Variants in SYT14 observed in about 807,000 individuals in gnomAD.
SYT14 encodes synaptotagmin 14, also known as synaptotagmin-14.
A neutral mutation model predicts 74.2 loss-of-function variants in SYT14; 32 were observed. The ratio of observed to expected loss-of-function variants is 0.43; its 90% CI spans 0.33 to 0.58. The LOEUF (loss-of-function observed/expected upper bound fraction) is 0.58. Among genes scored for constraint, SYT14 ranks in the 20% least tolerant of loss-of-function variants. The probability of loss-of-function intolerance (pLI) is 0.05; values close to 1 mark genes in which losing one functional copy is unlikely to be tolerated. For synonymous variants in SYT14, 298 were observed against 337.7 expected (o/e 0.88, Z 1.29); for missense variants, 791 against 981.8 (o/e 0.81, Z 2.60).
chr1:210,041,704 G>T (rs1178929611), intron 5 of SYT14, among the ~76,000 whole-genome samples: 1 of 152,106 alleles, frequency 6.6e-6, no homozygotes, highest in African/African-American at 2.4e-5. Flanking sequence ...ATACTCATGA[G>T]GGAGGAAACA....
chr1:210,152,502 A>G (rs2083185019), intron 7 of SYT14, among the ~76,000 whole-genome samples: 1 of 152,054 alleles, frequency 6.6e-6, no homozygotes, highest in Non-Finnish European at 1.5e-5. Flanking sequence ...TTATCGTTGT[A>G]TATTCATTTG....
At chr1:210,102,125 G>T (rs780034121) in intron 7 of SYT14, among the ~76,000 whole-genome samples, 2 of 151,982 alleles carry the variant, frequency 1.3e-5, no homozygotes, top group Non-Finnish European at 2.9e-5. Context: ...TTAAGTTCAG[G>T]GGTACGTGTG....
chr1:209,957,086 A>G (rs1016399222), intron 2 of SYT14, among the ~76,000 whole-genome samples: 1 of 152,044 alleles, frequency 6.6e-6, no homozygotes, highest in Non-Finnish European at 1.5e-5. Flanking sequence ...TGACTGAGTT[A>G]TGCTGAAAGT....
At position 210,114,744 on chromosome 1, in the gene SYT14, C is replaced by T. The variant is rs980989440; in HGVS notation, c.2034+14283C>T. On this transcript the variant is annotated intron_variant, in intron 7 of 9. Coordinates refer to ENST00000637265, the Ensembl canonical transcript of SYT14. ...TTTAAGATGAAATTGTTGGGCAGGTCAGGGAGGGCTAGTCATGGAACAAAA... is the reference window on the plus strand; with the variant it reads ...TTTAAGATGAAATTGTTGGGCAGGTTAGGGAGGGCTAGTCATGGAACAAAA... 1.8e-4 allele frequency among the ~76,000 whole-genome samples: 27 copies of T among 150,848 alleles called. 2 individuals carry two copies. Among genetic ancestry groups the T allele is most frequent in the African/African-American group, 6.7e-4 (27 of 40,340 alleles).
intron 5 of SYT14, among the ~76,000 whole-genome samples, chr1:210,069,377 A>G (rs1422207205): frequency 6.6e-6 from 1 of 151,966 alleles, no homozygotes; most frequent in East Asian, 1.9e-4. Context: ...GATATGTAAT[A>G]TCTTCCACTA....
At chr1:209,990,622 A>G (rs2079665931) in intron 2 of SYT14, among the ~76,000 whole-genome samples, 1 of 109,896 alleles carries the variant, frequency 9.1e-6, no homozygotes, top group South Asian at 3.1e-4. Context: ...TTTTCTTATC[A>G]TATGATAATA....
intron 5 of SYT14, among the ~76,000 whole-genome samples, chr1:210,026,996 A>C (rs2102977217): frequency 6.6e-6 from 1 of 152,216 alleles, no homozygotes; most frequent in Admixed American, 6.5e-5. Flanking sequence ...ATAACCCAGG[A>C]GTTAGAGGCA....
rs145051790 is a variant in SYT14, at chr1:210,039,123, G to A, written c.1312+17869G>A. The stretch of plus-strand genomic sequence containing the variant: ...GTTTTAAATTCTTTTATTTATTTTT[G>A]TCTGACTGGATTAATTCAAAAGACA... On this transcript the variant is annotated intron_variant, in intron 5 of 9. Coordinates refer to ENST00000637265, the Ensembl canonical transcript of SYT14. Among the ~76,000 whole-genome samples the A allele has an allele frequency of 2.0e-5, 3 of 151,668 alleles. No individual in the cohort carries two copies. The East Asian group carries it at 5.8e-4, about 29-fold the overall frequency.
chr1:210,094,515 T>C, exon 6 of SYT14: 1 of 1,613,730 alleles, frequency 6.2e-7, no homozygotes, highest in Non-Finnish European at 8.5e-7. Flanking sequence ...GAAGCACAGG[T>C]CATGAAATAG....
At chr1:210,149,638 G>A (rs914400868) in intron 7 of SYT14, among the ~76,000 whole-genome samples, 2 of 152,118 alleles carry the variant, frequency 1.3e-5, no homozygotes, top group African/African-American at 4.8e-5. Context: ...GTGTTAATAT[G>A]TAGTGCTTAG....
chr1:210,108,246 T>TTTA (rs2082195244), intron 7 of SYT14, among the ~76,000 whole-genome samples: 1 of 150,298 alleles, frequency 6.7e-6, no homozygotes, highest in Non-Finnish European at 1.5e-5. Flanking sequence ...ACCCCTAGAT[T>TTTA]TAAAAATTGG....
rs112544329 is a variant in SYT14, at chr1:210,158,994, A to G, written c.2225-427A>G. Among the ~76,000 whole-genome samples, 1,130 of 152,232 alleles carry G rather than the reference A, an allele frequency of 7.4e-3. 22 individuals carry two copies. Among genetic ancestry groups the G allele is most frequent in the African/African-American group, 0.026 (1,076 of 41,544 alleles). Reference sequence around the variant, plus strand: ...ATTTTGTTTTGCATAATTAATTTGTATATATTGGGAATAATAAAAGTATTT... The same window carrying G: ...ATTTTGTTTTGCATAATTAATTTGTGTATATTGGGAATAATAAAAGTATTT... On this transcript the variant is annotated intron_variant, in intron 8 of 9. Transcript: ENST00000637265.
At chr1:209,952,505 G>A (rs1371978998) in intron 1 of SYT14, among the ~76,000 whole-genome samples, 3 of 152,096 alleles carry the variant, frequency 2.0e-5, no homozygotes, top group South Asian at 2.1e-4. Context: ...TCTTCATTCC[G>A]AGACTTCCTA....
At chr1:209,991,742 A>G (rs1188797765) in intron 2 of SYT14, among the ~76,000 whole-genome samples, 1 of 152,092 alleles carries the variant, frequency 6.6e-6, no homozygotes, top group African/African-American at 2.4e-5. Context: ...AGGCATGAGA[A>G]TCGCTTGAAC....
At chr1:209,988,413 A>T (rs1322329050) in intron 2 of SYT14, among the ~76,000 whole-genome samples, 1 of 151,978 alleles carries the variant, frequency 6.6e-6, no homozygotes, top group Non-Finnish European at 1.5e-5. Context: ...CAATTTTCTG[A>T]GTCAGTTTCG....
chr1:210,127,294 A>G (rs968246987), intron 7 of SYT14, among the ~76,000 whole-genome samples: 20 of 152,168 alleles, frequency 1.3e-4, no homozygotes, highest in East Asian at 1.9e-4. Context: ...TGAGCAATCT[A>G]TAAGTGGAGA....
chr1:210,000,757 G>T (rs2079884902), intron 2 of SYT14, among the ~76,000 whole-genome samples: 1 of 151,686 alleles, frequency 6.6e-6, no homozygotes, highest in Admixed American at 6.6e-5. Flanking sequence ...GGGATTAGAG[G>T]CGCCTGCCAC....
chr1:209,965,995 C>A, intron 2 of SYT14: 1 of 451,774 alleles, frequency 2.2e-6, no homozygotes, highest in Non-Finnish European at 4.4e-6. Flanking sequence ...CTCAGCATCC[C>A]AAGTAACTGG....
chr1:209,953,060 G>A, intron 2 of SYT14: 34 of 1,350,680 alleles, frequency 2.5e-5, no homozygotes, highest in Non-Finnish European at 3.3e-5. Flanking sequence ...TTCAGAATCT[G>A]GAATCTGAGT....
Sources: gnomAD v4.1 joint callset for allele counts (sites outside exome capture counted in the v4.1 genomes callset) on GRCh38, gnomAD v4.1.1 for gene constraint, MANE v1.5 for transcripts, NCBI Gene and HGNC (gene_info 2026-07-23, HGNC 2026-07-21) for gene names.